The following LRRC9 variants were observed in gnomAD, a reference collection of about 807,000 sequenced individuals.
The protein encoded by LRRC9 is leucine-rich repeat-containing protein 9.
Under a neutral mutation model 63.2 loss-of-function variants are expected in LRRC9, and 122 were observed. The ratio of observed to expected loss-of-function variants is 1.93; its 90% CI spans 1.67 to 2.24. LRRC9 has a LOEUF of 2.24. LRRC9 is among the 30% of genes most tolerant of loss of function. The pLI is 0.00. For synonymous variants in LRRC9, 366 were observed against 213.1 expected, an observed-to-expected ratio of 1.72 and a Z score of -6.25; for missense variants, 1,071 against 627.7, an observed-to-expected ratio of 1.71 and a Z score of -7.55.
intron 29 of LRRC9, among the ~76,000 whole-genome samples, chr14:60,040,138 T>A (rs1426320936): frequency 6.6e-6 from 1 of 151,732 alleles, no homozygotes; most frequent in Non-Finnish European, 1.5e-5. Flanking sequence ...ACAGTTATAA[T>A]TTCTGTTCTT....
chr14:60,046,647 C>T lies in LRRC9; in HGVS notation c.3991-6418C>T, dbSNP rs186521576. ...ATTGGTCTATGTGTCTGTTTTTGTA[C>T]CACTACCGTGCTGTTTAGGTTAGTG... is the stretch of plus-strand genomic sequence containing the variant. On this transcript the variant is annotated intron_variant, in intron 29 of 31. Coordinates refer to ENST00000445360, the Ensembl canonical transcript of LRRC9. Among the ~76,000 whole-genome samples, 31 of 152,276 alleles carry T rather than the reference C, an allele frequency of 2.0e-4. No homozygotes were observed. In the East Asian group the frequency reaches 5.6e-3, roughly 27 times the overall value.
intron 29 of LRRC9, among the ~76,000 whole-genome samples, 171 bp from the exon 30 acceptor site, chr14:60,052,894 G>C (rs183637941): frequency 2.0e-5 from 3 of 152,244 alleles, no homozygotes; most frequent in Admixed American, 2.0e-4. Context: ...TGGCATAATA[G>C]GAAATTGAGT....
chr14:59,962,796 T>C lies in LRRC9; in HGVS notation c.1211+1751T>C, dbSNP rs1884479168. Among the ~76,000 whole-genome samples, 1 of 151,486 alleles carries C rather than the reference T, an allele frequency of 6.6e-6. No individual in the cohort carries two copies. Among genetic ancestry groups the C allele is most frequent in the African/African-American group, 2.4e-5 (1 of 41,280 alleles). On this transcript the variant is annotated intron_variant, in intron 10 of 31. Coordinates refer to ENST00000445360, the Ensembl canonical transcript of LRRC9. The surrounding 1 kb of genome is among the most constrained non-coding windows in gnomAD (Gnocchi z 5.1). ...TGGATTAGTGAAAAAAAAAAAAATG[T>C]AAAAGCAAAATGACCAAAAAGCCAT...
At chr14:59,976,010 A>T (rs1001575713) in intron 13 of LRRC9, among the ~76,000 whole-genome samples, 1 of 152,216 alleles carries the variant, frequency 6.6e-6, no homozygotes, top group African/African-American at 2.4e-5. Context: ...CTGTCACATC[A>T]GTGGCAGCAT....
At chr14:60,062,064 G>A (rs1367557919) in intron 31 of LRRC9, 9 of 398,616 alleles carry the variant, frequency 2.3e-5, no homozygotes, top group African/African-American at 4.1e-5. Flanking sequence ...GAGCATCCAT[G>A]CAGAAATAGC....
chr14:59,983,069 A>G (rs986559992), intron 16 of LRRC9, among the ~76,000 whole-genome samples: 8 of 152,230 alleles, frequency 5.3e-5, no homozygotes, highest in African/African-American at 1.9e-4. Flanking sequence ...TGTTCATTTC[A>G]GATCTGCTGC....
At position 60,058,083 on chromosome 14, in the gene LRRC9, C is replaced by T; in HGVS notation, c.4276+61C>T. 2.1e-6 allele frequency: 1 copy of T among 487,514 alleles called. No homozygotes were observed. Among genetic ancestry groups the T allele is most frequent in the South Asian group, 4.1e-5 (1 of 24,494 alleles). 30.2% of individuals were successfully genotyped at this position (487,514 alleles called of 1,614,324 possible). A position where few individuals can be genotyped will look rare whatever the true frequency, so the allele number is the denominator to read the frequency against. Reference sequence around the variant, plus strand: ...CACTTAATTTGAAATAAAAATATCACTTTAATTTCTAATAGTACTTAAAAT... The same window carrying T: ...CACTTAATTTGAAATAAAAATATCATTTTAATTTCTAATAGTACTTAAAAT... On this transcript the variant is annotated intron_variant, in intron 31 of 31. Transcript: ENST00000445360. The surrounding 1 kb of genome is among the most constrained non-coding windows in gnomAD (Gnocchi z 4.4).
chr14:59,954,187 A>G (rs1187176628), intron 8 of LRRC9, among the ~76,000 whole-genome samples: 1 of 152,218 alleles, frequency 6.6e-6, no homozygotes, highest in Non-Finnish European at 1.5e-5. Context: ...GTTTGTTTCT[A>G]ATTCTGTGAA....
intron 17 of LRRC9, among the ~76,000 whole-genome samples, chr14:59,992,247 G>A (rs997085951): frequency 1.3e-5 from 2 of 152,178 alleles, no homozygotes; most frequent in African/African-American, 4.8e-5. Flanking sequence ...CTGCAGCTGA[G>A]GGTCCTGACT....
intron 8 of LRRC9, among the ~76,000 whole-genome samples, chr14:59,954,036 C>T (rs560937659): frequency 6.6e-6 from 1 of 152,248 alleles, no homozygotes; most frequent in Non-Finnish European, 1.5e-5. Flanking sequence ...ATTTTGGTAC[C>T]AGTACCATGC....
chr14:60,016,394 CA>C, intron 23 of LRRC9, among the ~76,000 whole-genome samples: 1 of 152,104 alleles, frequency 6.6e-6, no homozygotes, highest in East Asian at 1.9e-4. Flanking sequence ...TTTGTAGAGA[CA>C]GGGTCTCACT....
intron 30 of LRRC9, among the ~76,000 whole-genome samples, chr14:60,057,302 GC>G (rs1425740808): frequency 6.6e-6 from 1 of 152,034 alleles, no homozygotes; most frequent in Non-Finnish European, 1.5e-5. Flanking sequence ...TCTTACAAAA[GC>G]CCCTTAATCC....
At position 60,031,990 on chromosome 14, in the gene LRRC9, A is replaced by G; in HGVS notation, c.3922-5A>G. 1.4e-6 allele frequency: 1 copy of G among 699,308 alleles called. No homozygotes were observed. Among genetic ancestry groups the G allele is most frequent in the East Asian group, 2.7e-5 (1 of 37,130 alleles). 43.3% of individuals were successfully genotyped at this position (699,308 alleles called of 1,614,324 possible). Reference sequence around the variant, plus strand: ...ATAATAACTTACTGATTAACTTTTGAATAGGATATCACAGAACTGGAAAAA... The same window carrying G: ...ATAATAACTTACTGATTAACTTTTGGATAGGATATCACAGAACTGGAAAAA... On this transcript the variant is annotated splice_polypyrimidine_tract_variant and splice_region_variant and intron_variant, in intron 28 of 31. Transcript: ENST00000445360. This position sits in a 1 kb window ranked among gnomAD's most constrained non-coding sequence, Gnocchi z 4.6.
chr14:60,021,802 A>G (rs1281173492), intron 26 of LRRC9, among the ~76,000 whole-genome samples: 1 of 151,868 alleles, frequency 6.6e-6, no homozygotes, highest in African/African-American at 2.4e-5. Flanking sequence ...GCATAAATGT[A>G]AGAGTTTATT....
At position 59,932,077 on chromosome 14, in the gene LRRC9, C is replaced by T. The variant is rs1481328518; in HGVS notation, c.543+38C>T. 2 of 689,300 alleles carry T rather than the reference C, an allele frequency of 2.9e-6. No homozygotes were observed. The highest frequency in any genetic ancestry group is 3.5e-5 in the African/African-American group (2 of 56,356). 42.7% of individuals were successfully genotyped at this position (689,300 alleles called of 1,614,324 possible). Reference sequence around the variant, plus strand: ...GGAATAATTAATTTTTATTTATCATCCTGAATCATGAACCATTGTGTTGCA... The same window carrying T: ...GGAATAATTAATTTTTATTTATCATTCTGAATCATGAACCATTGTGTTGCA... On this transcript the variant is annotated intron_variant, in intron 6 of 31. Transcript: ENST00000445360. The surrounding 1 kb of genome is among the most constrained non-coding windows in gnomAD (Gnocchi z 4.7).
In LRRC9 at chr14:59,938,495, G is replaced by C. The variant is rs758905184; in HGVS notation, c.649G>C (p.Val217Leu). The change falls in exon 7 of 32, where the codon GTA (valine) becomes CTA (leucine). Residue 217 changes from valine (V) to leucine (L), a missense_variant. Coordinates refer to ENST00000445360, the Ensembl canonical transcript of LRRC9. The surrounding 1 kb of genome is among the most constrained non-coding windows in gnomAD (Gnocchi z 4.2). ...TCTTCTGTGTAATTATTCCACACAT[G>C]TATTATATCATTTGCCTTGCCTTCA... 1 of 697,614 alleles carries C rather than the reference G, an allele frequency of 1.4e-6. No homozygotes were observed. Among genetic ancestry groups the C allele is most frequent in the South Asian group, 1.5e-5 (1 of 67,048 alleles). The allele number at this position is 697,614 out of a possible 1,614,324, so 43.2% of individuals were successfully genotyped here.
At chr14:60,001,244 GTGCATAT>G (rs1482230236) in intron 19 of LRRC9, among the ~76,000 whole-genome samples, 1 of 151,792 alleles carries the variant, frequency 6.6e-6, no homozygotes, top group Non-Finnish European at 1.5e-5. Flanking sequence ...CTTTACTTAG[GTGCATAT>G]ACTCTAAAGA....
At chr14:59,985,251 A>G (rs1887338786) in intron 17 of LRRC9, 27 bp downstream of exon 17, 1 of 605,902 alleles carries the variant, frequency 1.7e-6, no homozygotes, top group African/African-American at 1.8e-5. Flanking sequence ...TGAATCTAAA[A>G]AAGTGAAACT....
chr14:59,978,492 C>T (rs572227055), intron 15 of LRRC9, among the ~76,000 whole-genome samples: 370 of 152,216 alleles, frequency 2.4e-3, no homozygotes, highest in Non-Finnish European at 3.5e-3. Context: ...GCTTTCAATC[C>T]TTTTTCTACA....
Sources: allele counts gnomAD v4.1 joint callset (sites outside exome capture counted in the v4.1 genomes callset), GRCh38; gene constraint gnomAD v4.1.1; non-coding constraint Gnocchi (gnomAD v3.1); transcripts MANE v1.5; gene names NCBI Gene and HGNC (gene_info 2026-07-23, HGNC 2026-07-21).